The following LRIF1 variants were observed in gnomAD, a reference collection of about 807,000 sequenced individuals.
LRIF1 encodes ligand-dependent nuclear receptor-interacting factor 1.
Under a neutral mutation model 52.7 loss-of-function variants are expected in LRIF1, and 32 were observed. The ratio of observed to expected loss-of-function variants is 0.61; its 90% CI spans 0.46 to 0.82. LRIF1 has a LOEUF of 0.82. Among genes scored for constraint, LRIF1 ranks in the 40% least tolerant of loss-of-function variants. The probability of loss-of-function intolerance (pLI) is 0.00; values close to 1 mark genes in which losing one functional copy is unlikely to be tolerated. For synonymous variants in LRIF1, 323 were observed against 317.4 expected, an observed-to-expected ratio of 1.02 and a Z score of -0.19; for missense variants, 887 against 892.0, an observed-to-expected ratio of 0.99 and a Z score of 0.07.
intron 3 of LRIF1, 128 bp downstream of exon 3, chr1:110,949,723 T>C (rs1189835209): frequency 3.0e-5 from 31 of 1,044,146 alleles, no homozygotes; most frequent in Non-Finnish European, 3.8e-5. Flanking sequence ...TTTGGTATTA[T>C]GTATTTGCAA....
the LRIF1 span, among the ~76,000 whole-genome samples, chr1:110,877,643 CTCT>C: frequency 9.2e-5 from 14 of 152,294 alleles, no homozygotes; most frequent in Non-Finnish European, 1.9e-4. Context: ...CCTTATTTCT[CTCT>C]TCTTCTATAA....
chr1:110,959,183 T>TTTGAAAAATAATA (rs1658845383), intron 1 of LRIF1, among the ~76,000 whole-genome samples: 1 of 152,112 alleles, frequency 6.6e-6, no homozygotes, highest in Non-Finnish European at 1.5e-5. Context: ...AGAAACTACA[T>TTTGAAAAATAATA]TTGAAAAATA....
At chr1:110,918,999 A>G in the LRIF1 span, among the ~76,000 whole-genome samples, 1 of 152,226 alleles carries the variant, frequency 6.6e-6, no homozygotes, top group Non-Finnish European at 1.5e-5. Context: ...CCTGAGTTAG[A>G]CATAGCTTAG....
chr1:110,929,966 G>T, the LRIF1 span, among the ~76,000 whole-genome samples: 1 of 152,090 alleles, frequency 6.6e-6, no homozygotes, highest in African/African-American at 2.4e-5. Context: ...ATGACACAAG[G>T]TTACCATATA....
the LRIF1 span, among the ~76,000 whole-genome samples, chr1:110,877,899 G>C: frequency 5.4e-3 from 817 of 152,298 alleles, 6 homozygotes; most frequent in African/African-American, 0.019. Flanking sequence ...CTCAGCCACT[G>C]CTCACAGGAG....
chr1:110,962,360 T>G (rs943506369), intron 1 of LRIF1, among the ~76,000 whole-genome samples: 1 of 152,138 alleles, frequency 6.6e-6, no homozygotes. Context: ...TTTTTATGAT[T>G]TGAAATACAA....
At chr1:110,905,297 C>A in the LRIF1 span, among the ~76,000 whole-genome samples, 1 of 152,058 alleles carries the variant, frequency 6.6e-6, no homozygotes, top group Non-Finnish European at 1.5e-5. Flanking sequence ...TATAGAGCAC[C>A]AAGCTGACTT....
the LRIF1 span, chr1:110,896,552 A>G: frequency 2.8e-6 from 3 of 1,054,778 alleles, no homozygotes; most frequent in Non-Finnish European, 1.4e-6. Context: ...GACTTCTGCT[A>G]TAGAGTCAGA....
the LRIF1 span, among the ~76,000 whole-genome samples, chr1:110,906,520 G>A: frequency 2.6e-5 from 4 of 152,096 alleles, no homozygotes; most frequent in Admixed American, 6.6e-5. Flanking sequence ...CTCCAGCCTG[G>A]GTGACAGGGT....
the LRIF1 span, chr1:110,894,365 G>A: frequency 6.2e-7 from 1 of 1,613,988 alleles, no homozygotes; most frequent in African/African-American, 1.3e-5. Context: ...TTGCTGAGGT[G>A]ACCTTGGCCA....
At chr1:110,963,498 G>T in intron 1 of LRIF1, 123 bp downstream of exon 1, 1 of 713,474 alleles carries the variant, frequency 1.4e-6, no homozygotes, top group Non-Finnish European at 2.3e-6. Flanking sequence ...TTCCCGCCTG[G>T]GTGGCGCACT....
chr1:110,880,430 A>G, the LRIF1 span: 2 of 152,150 alleles, frequency 1.3e-5, no homozygotes, highest in Non-Finnish European at 2.9e-5. Context: ...TGTGAAGGAA[A>G]GAATCAGTAG....
chr1:110,928,107 T>C, the LRIF1 span, among the ~76,000 whole-genome samples: 141 of 152,308 alleles, frequency 9.3e-4, 2 homozygotes, highest in Admixed American at 9.2e-3. Context: ...ACACTAGTTT[T>C]GGCGGAGTAG....
chr1:110,895,013 A>G, the LRIF1 span: 1 of 1,614,100 alleles, frequency 6.2e-7, no homozygotes, highest in South Asian at 1.1e-5. Context: ...GTTACCACTC[A>G]GACAATAGCA....
the LRIF1 span, among the ~76,000 whole-genome samples, chr1:110,880,966 AAG>A: frequency 6.6e-6 from 1 of 151,916 alleles, no homozygotes; most frequent in Non-Finnish European, 1.5e-5. Context: ...CCAGAAAGAA[AAG>A]AGAAAATTTC....
chr1:110,884,894 A>G, the LRIF1 span, among the ~76,000 whole-genome samples: 1 of 151,936 alleles, frequency 6.6e-6, no homozygotes, highest in African/African-American at 2.4e-5. Context: ...TTTTCAATCC[A>G]TCTATTTATT....
At chr1:110,958,543 C>G (rs544872674) in intron 1 of LRIF1, among the ~76,000 whole-genome samples, 1 of 152,208 alleles carries the variant, frequency 6.6e-6, no homozygotes, top group African/African-American at 2.4e-5. Context: ...CCTTCCAATA[C>G]CAAGCATAGT....
At chr1:110,896,028 C>G in the LRIF1 span, among the ~76,000 whole-genome samples, 1 of 152,150 alleles carries the variant, frequency 6.6e-6, no homozygotes, top group South Asian at 2.1e-4. Context: ...AAGATCTTAA[C>G]AAGGCCTATG....
At chr1:110,922,032 T>C in the LRIF1 span, among the ~76,000 whole-genome samples, 1 of 152,204 alleles carries the variant, frequency 6.6e-6, no homozygotes, top group Non-Finnish European at 1.5e-5. Flanking sequence ...TGTTTATGAC[T>C]TGTCATCATT....
Sources: gnomAD v4.1 joint callset for allele counts (sites outside exome capture counted in the v4.1 genomes callset) on GRCh38, gnomAD v4.1.1 for gene constraint, MANE v1.5 for transcripts, NCBI Gene and HGNC (gene_info 2026-07-23, HGNC 2026-07-21) for gene names.